Variants in SDK1 observed in about 807,000 individuals in gnomAD.
SDK1 encodes the protein sidekick cell adhesion molecule 1.
SDK1 carries 157 observed loss-of-function variants against 245.5 expected under a neutral mutation model. That is an observed-to-expected ratio of 0.64 (90% CI 0.56 to 0.73). The LOEUF (loss-of-function observed/expected upper bound fraction) is 0.73. SDK1 is among the 30% of genes least tolerant of loss of function. The pLI is 0.00. For synonymous variants in SDK1, 1,647 were observed against 1,278.5 expected, an observed-to-expected ratio of 1.29 and a Z score of -6.15; for missense variants, 3,583 against 3,002.3, an observed-to-expected ratio of 1.19 and a Z score of -4.52.
intron 5 of SDK1, among the ~76,000 whole-genome samples, chr7:3,896,471 C>G (rs571089665): frequency 6.6e-6 from 1 of 152,336 alleles, no homozygotes; most frequent in East Asian, 1.9e-4. Context: ...CCCTGAAGCT[C>G]TGTCTGCCAC....
intron 1 of SDK1, among the ~76,000 whole-genome samples, chr7:3,325,947 T>C (rs879669815): frequency 6.6e-6 from 1 of 152,090 alleles, no homozygotes; most frequent in Admixed American, 6.5e-5. Flanking sequence ...CTCGCTTGGT[T>C]GTATCCAGGG....
At chr7:3,419,204 A>G (rs1779466640) in intron 1 of SDK1, among the ~76,000 whole-genome samples, 1 of 152,240 alleles carries the variant, frequency 6.6e-6, no homozygotes, top group Non-Finnish European at 1.5e-5. Context: ...CCTTTTACAG[A>G]GGAGGAACCT....
chr7:3,852,732 CAG>C lies in SDK1; in HGVS notation c.847+31152_847+31153del, dbSNP rs1158336749. ...CGCCACTGCACTCCAGCCTGGGAGA[CAG>C]AGCAAGACTCCGTCTCAAAAAAAAA... On this transcript the variant is annotated intron_variant, in intron 5 of 44. Coordinates refer to ENST00000404826, the MANE Select transcript of SDK1 (RefSeq NM_152744.4). Among the ~76,000 whole-genome samples, 17 of 101,376 alleles carry C rather than the reference CAG, an allele frequency of 1.7e-4. No individual in the cohort carries two copies. The East Asian group carries it at 3.4e-3, about 20-fold the overall frequency. The allele number at this position is 101,376 out of a possible 152,430, so 66.5% of individuals were successfully genotyped here. A position where few individuals can be genotyped will look rare whatever the true frequency, so the allele number is the denominator to read the frequency against.
At position 4,217,054 on chromosome 7, in the gene SDK1, C is replaced by G. The variant is rs1233624549; in HGVS notation, c.5540-3055C>G. On this transcript the variant is annotated intron_variant, in intron 38 of 44. Coordinates refer to ENST00000404826, the MANE Select transcript of SDK1 (RefSeq NM_152744.4). ...GAGCACCAGGCCACCCGGAGCACCA[C>G]ACCACCCGGAGCACCAGGCCACCCG... is the stretch of plus-strand genomic sequence containing the variant. 5.9e-3 allele frequency among the ~76,000 whole-genome samples: 126 copies of G among 21,354 alleles called. 1 individual carries two copies. The highest frequency in any genetic ancestry group is 0.024 in the African/African-American group (106 of 4,472). The allele number at this position is 21,354 out of a possible 152,430, so 14.0% of individuals were successfully genotyped here.
intron 17 of SDK1, among the ~76,000 whole-genome samples, chr7:4,043,001 G>A (rs971675533): frequency 1.3e-5 from 2 of 152,240 alleles, no homozygotes; most frequent in African/African-American, 4.8e-5. Flanking sequence ...TGAGAGAAAG[G>A]AAACTGAGGC....
intron 22 of SDK1, among the ~76,000 whole-genome samples, chr7:4,082,915 C>T (rs1037065775): frequency 6.6e-5 from 10 of 152,158 alleles, no homozygotes; most frequent in Admixed American, 5.9e-4. Flanking sequence ...GCCACCGCAC[C>T]TGGCAATTTG....
intron 1 of SDK1, among the ~76,000 whole-genome samples, chr7:3,355,116 A>T (rs967424846): frequency 6.6e-6 from 1 of 152,224 alleles, no homozygotes; most frequent in African/African-American, 2.4e-5. Flanking sequence ...GACACATCTT[A>T]TTAAAATTTG....
At chr7:4,000,778 C>T (rs940599969) in intron 14 of SDK1, among the ~76,000 whole-genome samples, 3 of 152,224 alleles carry the variant, frequency 2.0e-5, no homozygotes, top group South Asian at 2.1e-4. Context: ...CTAATGGCCT[C>T]GGACTTTTCG....
chr7:3,890,921 G>T (rs374922250), intron 5 of SDK1, among the ~76,000 whole-genome samples: 1 of 152,300 alleles, frequency 6.6e-6, no homozygotes, highest in African/African-American at 2.4e-5. Flanking sequence ...GATATAGCTA[G>T]AATCCATCTC....
chr7:3,379,118 CT>C (rs1444395286), intron 1 of SDK1, among the ~76,000 whole-genome samples: 1 of 152,136 alleles, frequency 6.6e-6, no homozygotes, highest in Admixed American at 6.5e-5. Flanking sequence ...CCTTCTATTT[CT>C]TTAGATTTGC....
chr7:3,653,282 C>T (rs1403805882), intron 4 of SDK1, among the ~76,000 whole-genome samples: 1 of 152,194 alleles, frequency 6.6e-6, no homozygotes, highest in East Asian at 1.9e-4. Context: ...CCCCTTCCCT[C>T]CTCACTCCAG....
intron 4 of SDK1, among the ~76,000 whole-genome samples, chr7:3,736,818 C>G (rs1275623457): frequency 6.6e-6 from 1 of 152,144 alleles, no homozygotes; most frequent in Non-Finnish European, 1.5e-5. Flanking sequence ...ATCTACTTTT[C>G]TAACAAACTT....
intron 5 of SDK1, among the ~76,000 whole-genome samples, chr7:3,947,477 AT>A (rs968662455): frequency 4.9e-4 from 74 of 150,928 alleles, no homozygotes; most frequent in African/African-American, 1.8e-3. Context: ...TCTTCTACAG[AT>A]TTTTTTCACC....
chr7:3,463,893 G>GC (rs889460192), intron 1 of SDK1, among the ~76,000 whole-genome samples: 2 of 152,162 alleles, frequency 1.3e-5, no homozygotes, highest in African/African-American at 4.8e-5. Context: ...AGGCATAAGG[G>GC]CCCCAAAGTT....
At chr7:3,396,217 A>G (rs991084016) in intron 1 of SDK1, among the ~76,000 whole-genome samples, 1 of 151,702 alleles carries the variant, frequency 6.6e-6, no homozygotes, top group Non-Finnish European at 1.5e-5. Flanking sequence ...TTTTTCTTTG[A>G]CCCGTATTTA....
chr7:3,716,846 G>A (rs571395197), intron 4 of SDK1, among the ~76,000 whole-genome samples: 6 of 151,852 alleles, frequency 4.0e-5, no homozygotes, highest in South Asian at 2.1e-4. Flanking sequence ...GTTAAATGAG[G>A]TCCTCCAAAC....
chr7:3,622,710 A>G (rs1781981789), intron 2 of SDK1, among the ~76,000 whole-genome samples: 2 of 152,202 alleles, frequency 1.3e-5, no homozygotes. Flanking sequence ...AGCAAGATTG[A>G]GGGAGTGACT....
chr7:3,719,391 G>A (rs1230825851), intron 4 of SDK1, among the ~76,000 whole-genome samples: 3 of 151,978 alleles, frequency 2.0e-5, no homozygotes, highest in Middle Eastern at 3.2e-3. Flanking sequence ...CAGTGTTAAC[G>A]CTTACTGTAT....
At chr7:3,470,603 A>C (rs1223823089) in intron 1 of SDK1, among the ~76,000 whole-genome samples, 1 of 152,148 alleles carries the variant, frequency 6.6e-6, no homozygotes, top group Non-Finnish European at 1.5e-5. Flanking sequence ...GAGACTTATT[A>C]TGACTTTGGC....
Sources: gnomAD v4.1 joint callset for allele counts (sites outside exome capture counted in the v4.1 genomes callset) on GRCh38, gnomAD v4.1.1 for gene constraint, MANE v1.5 for transcripts, NCBI Gene and HGNC (gene_info 2026-07-23, HGNC 2026-07-21) for gene names.